Variants in HHLA1 observed in about 807,000 individuals in gnomAD.
HHLA1 encodes HERV-H LTR-associating protein 1.
HHLA1 carries 72 observed loss-of-function variants against 69.9 expected under a neutral mutation model. That is an observed-to-expected ratio of 1.03 (90% CI 0.85 to 1.25). The LOEUF (loss-of-function observed/expected upper bound fraction) is 1.25. HHLA1 is among the 50% of genes most tolerant of loss of function. HHLA1 has a pLI of 0.00. For missense variants in HHLA1, 685 were observed against 642.2 expected (o/e 1.07, Z -0.72); for synonymous variants, 252 against 233.2 (o/e 1.08, Z -0.73).
chr8:132,093,171 A>G (rs1823971478), intron 7 of HHLA1, among the ~76,000 whole-genome samples: 1 of 152,206 alleles, frequency 6.6e-6, no homozygotes, highest in Admixed American at 6.5e-5. Flanking sequence ...AGCTTAGATG[A>G]CAGGTTGGAT....
chr8:132,085,100 G>A (rs912475911), intron 10 of HHLA1, among the ~76,000 whole-genome samples: 6 of 152,290 alleles, frequency 3.9e-5, no homozygotes, highest in Middle Eastern at 3.4e-3. Flanking sequence ...GGGACTTGCC[G>A]CTAAGGGTGA....
intron 15 of HHLA1, 40 bp from the exon 16 acceptor site, chr8:132,066,008 G>T (rs1240218360): frequency 1.1e-6 from 1 of 909,938 alleles, no homozygotes; most frequent in South Asian, 1.4e-5. Flanking sequence ...TAACTATCCT[G>T]TGATGGCTAT....
intron 5 of HHLA1, among the ~76,000 whole-genome samples, chr8:132,098,217 G>C (rs887620793): frequency 6.6e-6 from 1 of 152,174 alleles, no homozygotes; most frequent in Non-Finnish European, 1.5e-5. Flanking sequence ...CATTCACTAA[G>C]TATGTGTTAC....
At chr8:132,069,175 A>C (rs961952826) in intron 15 of HHLA1, among the ~76,000 whole-genome samples, 1 of 152,172 alleles carries the variant, frequency 6.6e-6, no homozygotes, top group Non-Finnish European at 1.5e-5. Flanking sequence ...TAGATGCTCC[A>C]GGCTACCCGT....
intron 8 of HHLA1, among the ~76,000 whole-genome samples, 165 bp downstream of exon 8, chr8:132,089,351 G>A (rs1346910364): frequency 6.6e-6 from 1 of 152,142 alleles, no homozygotes; most frequent in Non-Finnish European, 1.5e-5. Context: ...GCATTTACTG[G>A]TGTGGAAACT....
chr8:132,109,071 G>C (rs1217180545), intron 1 of HHLA1, among the ~76,000 whole-genome samples: 1 of 152,158 alleles, frequency 6.6e-6, no homozygotes, highest in African/African-American at 2.4e-5. Flanking sequence ...GCAGTGGCAC[G>C]ATCTCGGCAT....
chr8:132,111,065 C>G (rs1020657163), intron 1 of HHLA1, 37 bp downstream of exon 1: 1 of 152,128 alleles, frequency 6.6e-6, no homozygotes, highest in East Asian at 1.9e-4. Flanking sequence ...GAGGAGGAAC[C>G]AAAAGAGTTT....
rs75536817 is a variant in HHLA1 at position 132,099,122 on chromosome 8, G to A, written c.200-160C>T. Reference sequence around the variant, plus strand: ...GGGTTCCAAGTTAAGTTAAGAGGAGGGTCTCGACCTCAGGAGGTAACAGTC... The same window carrying A: ...GGGTTCCAAGTTAAGTTAAGAGGAGAGTCTCGACCTCAGGAGGTAACAGTC... On this transcript the variant is annotated intron_variant, in intron 4 of 16. Transcript: ENST00000414222. 8.2e-3 allele frequency among the ~76,000 whole-genome samples: 1,243 copies of A among 152,218 alleles called. 17 individuals are homozygous for A. Among genetic ancestry groups the A allele is most frequent in the African/African-American group, 0.028 (1,163 of 41,528 alleles).
At chr8:132,104,045 G>A (rs764242281) in intron 3 of HHLA1, 63 bp downstream of exon 3, 3 of 1,108,976 alleles carry the variant, frequency 2.7e-6, no homozygotes, top group Non-Finnish European at 1.3e-6. Flanking sequence ...AGTCAGGCTT[G>A]GGGAAGTCAA....
intron 1 of HHLA1, among the ~76,000 whole-genome samples, chr8:132,106,061 T>G (rs1824197626): frequency 6.6e-6 from 1 of 152,220 alleles, no homozygotes; most frequent in Non-Finnish European, 1.5e-5. Flanking sequence ...CATTGAACAC[T>G]ATCTGATGCA....
At chr8:132,086,013 A>G (rs1045785049) in intron 10 of HHLA1, among the ~76,000 whole-genome samples, 1 of 152,130 alleles carries the variant, frequency 6.6e-6, no homozygotes, top group African/African-American at 2.4e-5. Context: ...CTAAAAACCA[A>G]AAGTGAAATT....
At chr8:132,105,151 C>T in intron 2 of HHLA1, 36 bp downstream of exon 2, 1 of 1,462,444 alleles carries the variant, frequency 6.8e-7, no homozygotes, top group South Asian at 1.2e-5. Context: ...ACTTATTATA[C>T]AGAACAGACA....
rs1248607808 is a variant in HHLA1 at position 132,076,511 on chromosome 8, G to C, written c.1204C>G (p.Pro402Ala). 3.3e-6 allele frequency: 5 copies of C among 1,536,726 alleles called. No homozygotes were observed. In the East Asian group the frequency reaches 1.0e-4, roughly 31 times the overall value. Reference protein sequence around the residue: ...AFTHGTQTPSPTKATAPRYPQ... With the variant: ...AFTHGTQTPSATKATAPRYPQ... The stretch of plus-strand genomic sequence containing the variant: ...TATCTGGGGGCTGTTGCCTTGGTTG[G>C]ACTCGGAGTCTGTGTGCCATGGGTG... Residue 402 changes from proline (P) to alanine (A), a missense_variant, in exon 13 of 17, where the codon CCA (proline) becomes GCA (alanine). Coordinates refer to ENST00000414222, the MANE Select transcript of HHLA1 (RefSeq NM_001145095.3).
intron 3 of HHLA1, chr8:132,101,153 A>G (rs1192122491): frequency 2.0e-6 from 3 of 1,522,936 alleles, no homozygotes; most frequent in Non-Finnish European, 1.8e-6. Flanking sequence ...TCATTTTGCA[A>G]ATAGAAAACA....
intron 8 of HHLA1, 97 bp from the exon 9 acceptor site, chr8:132,087,998 G>C (rs1823890941): frequency 1.2e-6 from 1 of 861,530 alleles, no homozygotes; most frequent in Admixed American, 2.1e-5. Flanking sequence ...ACCTAACTTA[G>C]GATAATATAG....
intron 10 of HHLA1, among the ~76,000 whole-genome samples, chr8:132,087,401 C>T (rs1823880679): frequency 6.6e-6 from 1 of 152,030 alleles, no homozygotes; most frequent in Non-Finnish European, 1.5e-5. Context: ...GGTGCCCTTC[C>T]TAGTGGGGGA....
In HHLA1 at chr8:132,061,727, C is replaced by T. The variant is rs1823356121; in HGVS notation, c.*2268G>A. ...GAAGGGGTCAAACCTCTTATGAACT[C>T]CAGGAGACCAGTTGGACTCCAGGCA... On this transcript the variant is annotated 3_prime_UTR_variant, in exon 17 of 17. Coordinates refer to ENST00000414222, the MANE Select transcript of HHLA1 (RefSeq NM_001145095.3). 1 of 152,120 alleles carries T rather than the reference C, an allele frequency of 6.6e-6. No individual in the cohort carries two copies. Among genetic ancestry groups the T allele is most frequent in the Non-Finnish European group, 1.5e-5 (1 of 68,038 alleles). 9.4% of individuals were successfully genotyped at this position (152,120 alleles called of 1,614,324 possible). A position where few individuals can be genotyped will look rare whatever the true frequency, so the allele number is the denominator to read the frequency against.
chr8:132,073,906 G>A (rs752321211), intron 14 of HHLA1, among the ~76,000 whole-genome samples: 3 of 152,100 alleles, frequency 2.0e-5, no homozygotes, highest in South Asian at 4.1e-4. Flanking sequence ...ATCACCACTG[G>A]CATCATTAGC....
rs73353167 is a variant in HHLA1, at chr8:132,088,679, T to A, written c.533-778A>T. On this transcript the variant is annotated intron_variant, in intron 8 of 16. Transcript: ENST00000414222. ...TATTGTTATTATTAATGTATTACTATGATTATATATATTAGGATAGTGACA... is the reference window on the plus strand; with the variant it reads ...TATTGTTATTATTAATGTATTACTAAGATTATATATATTAGGATAGTGACA... Among the ~76,000 whole-genome samples, 798 of 152,306 alleles carry A rather than the reference T, an allele frequency of 5.2e-3. 6 individuals are homozygous for A. Among genetic ancestry groups the A allele is most frequent in the African/African-American group, 0.018 (768 of 41,570 alleles).
Sources: gnomAD v4.1 joint callset for allele counts (sites outside exome capture counted in the v4.1 genomes callset) on GRCh38, gnomAD v4.1.1 for gene constraint, MANE v1.5 for transcripts, NCBI Gene and HGNC (gene_info 2026-07-23, HGNC 2026-07-21) for gene names.